The following NEGR1 variants were observed in gnomAD, a reference collection of about 807,000 sequenced individuals.
NEGR1 encodes neuronal growth regulator 1, also known as IgLON family member 4.
Under a neutral mutation model 40.9 loss-of-function variants are expected in NEGR1, and 10 were observed. The ratio of observed to expected loss-of-function variants is 0.24; its 90% CI spans 0.15 to 0.42. NEGR1 has a LOEUF of 0.42. Among genes scored for constraint, NEGR1 ranks in the 10% least tolerant of loss-of-function variants. The pLI is 1.00. For missense variants in NEGR1, 352 were observed against 438.9 expected (o/e 0.80, Z 1.77); for synonymous variants, 185 against 166.8 (o/e 1.11, Z -0.84).
intron 6 of NEGR1, among the ~76,000 whole-genome samples, chr1:71,496,983 T>C (rs1646968125): frequency 1.3e-5 from 2 of 152,210 alleles, no homozygotes; most frequent in Admixed American, 1.3e-4. Flanking sequence ...TTGATGTGCT[T>C]AATCTGGTTT....
At chr1:72,215,310 G>T (rs1653759955) in intron 1 of NEGR1, among the ~76,000 whole-genome samples, 1 of 152,044 alleles carries the variant, frequency 6.6e-6, no homozygotes, top group Non-Finnish European at 1.5e-5. Context: ...CACGGGCAAA[G>T]ACTTCATAAC....
intron 2 of NEGR1, among the ~76,000 whole-genome samples, chr1:71,801,820 G>T (rs1657573241): frequency 6.6e-6 from 1 of 152,150 alleles, no homozygotes; most frequent in African/African-American, 2.4e-5. Context: ...TCTGTTGTTA[G>T]CAGAAATAAG....
chr1:72,282,163 C>A (rs1342942850), intron 1 of NEGR1, among the ~76,000 whole-genome samples, 156 bp downstream of exon 1: 2 of 152,110 alleles, frequency 1.3e-5, no homozygotes, highest in Non-Finnish European at 2.9e-5. Flanking sequence ...GGCCGGGGCT[C>A]CGGGAAGAAT....
chr1:72,204,964 C>G (rs1461590259), intron 1 of NEGR1, among the ~76,000 whole-genome samples: 1 of 151,984 alleles, frequency 6.6e-6, no homozygotes, highest in Non-Finnish European at 1.5e-5. Flanking sequence ...AAAATAAAAT[C>G]ATATGCCCTG....
chr1:72,116,233 T>C (rs771675622), intron 1 of NEGR1, among the ~76,000 whole-genome samples: 2 of 151,752 alleles, frequency 1.3e-5, no homozygotes, highest in Non-Finnish European at 2.9e-5. Context: ...CATTCTGTAC[T>C]TAAATCTTTT....
At chr1:71,749,331 A>G (rs920821033) in intron 3 of NEGR1, among the ~76,000 whole-genome samples, 1 of 152,232 alleles carries the variant, frequency 6.6e-6, no homozygotes, top group African/African-American at 2.4e-5. Context: ...AAACTATTCA[A>G]CAATGGTGTC....
chr1:71,840,411 T>C (rs1238315887), intron 2 of NEGR1, among the ~76,000 whole-genome samples: 2 of 152,184 alleles, frequency 1.3e-5, no homozygotes, highest in East Asian at 1.9e-4. Flanking sequence ...AATAAGTAGA[T>C]ACACCCAGTT....
intron 1 of NEGR1, among the ~76,000 whole-genome samples, chr1:72,048,445 G>A (rs1276859706): frequency 8.1e-6 from 1 of 123,226 alleles, no homozygotes; most frequent in Non-Finnish European, 1.7e-5. Flanking sequence ...CTTTAAACAG[G>A]TTTGCAAGTG....
intron 3 of NEGR1, among the ~76,000 whole-genome samples, chr1:71,716,711 C>G (rs1654290347): frequency 6.6e-6 from 1 of 152,014 alleles, no homozygotes; most frequent in Non-Finnish European, 1.5e-5. Context: ...ATAATATTTA[C>G]TCAATATAGC....
intron 1 of NEGR1, among the ~76,000 whole-genome samples, chr1:72,049,478 T>C (rs1462274140): frequency 6.6e-6 from 1 of 151,698 alleles, no homozygotes; most frequent in East Asian, 1.9e-4. Context: ...CATGGCTTAT[T>C]GATCAGAAAC....
intron 1 of NEGR1, among the ~76,000 whole-genome samples, chr1:72,114,433 C>G (rs535453920): frequency 6.6e-6 from 1 of 151,692 alleles, no homozygotes; most frequent in Middle Eastern, 3.4e-3. Context: ...TAAAATAAAT[C>G]GTTATCTCTC....
chr1:71,819,715 C>T, intron 2 of NEGR1, among the ~76,000 whole-genome samples: 1 of 151,760 alleles, frequency 6.6e-6, no homozygotes, highest in East Asian at 1.9e-4. Context: ...TAAATCAATG[C>T]AAATCTATGT....
In NEGR1 at chr1:71,542,085, G is replaced by C. The variant is rs114965044; in HGVS notation, c.940+50732C>G. Among the ~76,000 whole-genome samples, 447 of 151,798 alleles carry C rather than the reference G, an allele frequency of 2.9e-3. 1 individual carries two copies. Among genetic ancestry groups the C allele is most frequent in the Non-Finnish European group, 5.4e-3 (364 of 67,802 alleles). On this transcript the variant is annotated intron_variant, in intron 6 of 6. Transcript: ENST00000357731. ...AATTGACACTATTGGTGGGAAATAT[G>C]GTAGGAAATATGAAAAATAAGTCCT...
Position 72,178,154 on chromosome 1 carries a change from C to A in NEGR1, c.176+104165G>T, listed in dbSNP as rs1202001937. On this transcript the variant is annotated intron_variant, in intron 1 of 6. Coordinates refer to ENST00000357731, the MANE Select transcript of NEGR1 (RefSeq NM_173808.3). Reference sequence around the variant, plus strand: ...TTTTGTTTTTGTTCTTTTTTTTTAGCAGGATGGGTTTATACTCAAAGGAAC... The same window carrying A: ...TTTTGTTTTTGTTCTTTTTTTTTAGAAGGATGGGTTTATACTCAAAGGAAC... Among the ~76,000 whole-genome samples, 5 of 151,194 alleles carry A rather than the reference C, an allele frequency of 3.3e-5. No individual in the cohort carries two copies. In the East Asian group the frequency reaches 9.7e-4, roughly 29 times the overall value.
intron 2 of NEGR1, among the ~76,000 whole-genome samples, chr1:71,870,621 G>A (rs1302986616): frequency 2.6e-5 from 4 of 152,134 alleles, no homozygotes; most frequent in African/African-American, 9.7e-5. Context: ...CCAGAATTTG[G>A]TATTGTAATA....
chr1:71,870,010 G>A (rs1660231219), intron 2 of NEGR1, among the ~76,000 whole-genome samples: 1 of 151,720 alleles, frequency 6.6e-6, no homozygotes, highest in Non-Finnish European at 1.5e-5. Context: ...CTCCCAAGTA[G>A]CTGGGATTAC....
At chr1:72,047,915 A>G (rs1389592043) in intron 1 of NEGR1, among the ~76,000 whole-genome samples, 2 of 151,570 alleles carry the variant, frequency 1.3e-5, no homozygotes, top group Non-Finnish European at 3.0e-5. Flanking sequence ...CAAGTATACA[A>G]ATATTCTTCA....
intron 1 of NEGR1, among the ~76,000 whole-genome samples, chr1:72,143,835 C>T (rs998962708): frequency 8.3e-5 from 12 of 144,214 alleles, no homozygotes; most frequent in Non-Finnish European, 1.5e-4. Flanking sequence ...GGAAAATGTA[C>T]TGATAACAAA....
intron 1 of NEGR1, among the ~76,000 whole-genome samples, chr1:72,127,502 A>C (rs1650074977): frequency 6.7e-6 from 1 of 148,662 alleles, no homozygotes; most frequent in South Asian, 2.1e-4. Flanking sequence ...GGAGAATTGC[A>C]ATTTGTTATA....
Sources: gnomAD v4.1 joint callset for allele counts (sites outside exome capture counted in the v4.1 genomes callset) on GRCh38, gnomAD v4.1.1 for gene constraint, MANE v1.5 for transcripts, NCBI Gene and HGNC (gene_info 2026-07-23, HGNC 2026-07-21) for gene names.